Variants in BTRC observed in about 807,000 individuals in gnomAD.
BTRC encodes the protein F-box/WD repeat-containing protein 1A.
BTRC carries 42 observed loss-of-function variants against 85.5 expected under a neutral mutation model. That is an observed-to-expected ratio of 0.49 (90% CI 0.38 to 0.64). The LOEUF is 0.64. BTRC is among the 30% of genes least tolerant of loss of function. The pLI, the probability that BTRC is intolerant of heterozygous loss-of-function variation, is 0.00. For missense variants in BTRC, 594 were observed against 743.5 expected (o/e 0.80, Z 2.34); for synonymous variants, 255 against 263.3 (o/e 0.97, Z 0.30).
intron 2 of BTRC, among the ~76,000 whole-genome samples, chr10:101,452,289 T>G (rs1944972863): frequency 1.3e-5 from 2 of 152,216 alleles, no homozygotes; most frequent in Admixed American, 1.3e-4. Flanking sequence ...TCTTTGCTAC[T>G]GATCCAAATG....
chr10:101,443,341 C>G (rs901098436), intron 2 of BTRC, among the ~76,000 whole-genome samples: 1 of 152,042 alleles, frequency 6.6e-6, no homozygotes, highest in East Asian at 1.9e-4. Context: ...TGTAGTCCTG[C>G]GCAACATTAA....
intron 2 of BTRC, among the ~76,000 whole-genome samples, chr10:101,444,144 T>C (rs932575208): frequency 6.6e-6 from 1 of 152,232 alleles, no homozygotes; most frequent in Admixed American, 6.5e-5. Flanking sequence ...AAAGTGATAA[T>C]GTATATTTCA....
intron 1 of BTRC, among the ~76,000 whole-genome samples, chr10:101,392,053 C>T (rs982143364): frequency 1.3e-5 from 2 of 152,132 alleles, no homozygotes; most frequent in African/African-American, 4.8e-5. Flanking sequence ...TATCTCAGCT[C>T]ACTGCAACTT....
chr10:101,474,445 C>G (rs1434751537), intron 3 of BTRC, among the ~76,000 whole-genome samples: 4 of 152,222 alleles, frequency 2.6e-5, no homozygotes, highest in African/African-American at 7.2e-5. Flanking sequence ...CTTTCTCCCC[C>G]CATGAGCAGC....
chr10:101,396,606 G>A (rs575049076), intron 1 of BTRC, among the ~76,000 whole-genome samples: 1 of 151,986 alleles, frequency 6.6e-6, no homozygotes, highest in South Asian at 2.1e-4. Flanking sequence ...GATCTACTTA[G>A]GACAGGTATT....
chr10:101,409,765 C>T (rs1943725941), intron 1 of BTRC, among the ~76,000 whole-genome samples: 1 of 152,176 alleles, frequency 6.6e-6, no homozygotes, highest in African/African-American at 2.4e-5. Context: ...CTAAAAATGT[C>T]ATTGTGCAGT....
intron 3 of BTRC, among the ~76,000 whole-genome samples, chr10:101,476,074 G>C (rs925861760): frequency 6.6e-6 from 1 of 151,684 alleles, no homozygotes; most frequent in Non-Finnish European, 1.5e-5. Flanking sequence ...ATTTGATGCA[G>C]TGAGAGGGGC....
intron 1 of BTRC, among the ~76,000 whole-genome samples, chr10:101,426,405 G>T (rs1444140355): frequency 6.6e-6 from 1 of 152,158 alleles, no homozygotes; most frequent in Admixed American, 6.5e-5. Context: ...TGCATCCTCT[G>T]TGTGGTGTTT....
Position 101,398,914 on chromosome 10 carries a change from G to A in BTRC, c.49-31431G>A, listed in dbSNP as rs1042217227. ...ATTGCCTGGTTTTGCCTGGCTAACC[G>A]AAATCTGGCCTTTCATGTAGGTATA... On this transcript the variant is annotated intron_variant, in intron 1 of 14. Coordinates refer to ENST00000370187, the MANE Select transcript of BTRC (RefSeq NM_033637.4). 9.2e-5 allele frequency among the ~76,000 whole-genome samples: 14 copies of A among 152,236 alleles called. No individual in the cohort carries two copies. The East Asian group carries it at 1.5e-3, about 17-fold the overall frequency.
At chr10:101,374,163 G>A (rs1942721459) in intron 1 of BTRC, among the ~76,000 whole-genome samples, 1 of 152,034 alleles carries the variant, frequency 6.6e-6, no homozygotes, top group South Asian at 2.1e-4. Flanking sequence ...GGTTGAACTA[G>A]TTTACAGTCC....
chr10:101,388,356 T>TTTTA (rs869055820), intron 1 of BTRC, among the ~76,000 whole-genome samples: 1 of 100,770 alleles, frequency 9.9e-6, no homozygotes, highest in Admixed American at 9.9e-5. Context: ...TTTTATTTTA[T>TTTTA]TTTATTTATT....
In BTRC at chr10:101,520,967, CA is replaced by C. The variant is rs552134286; in HGVS notation, c.325-663del. Among the ~76,000 whole-genome samples the C allele has an allele frequency of 3.4e-5, 5 of 147,102 alleles. No individual in the cohort carries two copies. The South Asian group carries it at 6.5e-4, about 19-fold the overall frequency. ...GACAGAGCAAGACTGTCTCCAAAAA[CA>C]AAAAAAAAGTTGTGATGACGGAGCA... is the stretch of plus-strand genomic sequence containing the variant. On this transcript the variant is annotated intron_variant, in intron 4 of 14. Transcript: ENST00000370187.
At chr10:101,383,927 G>A (rs755528407) in intron 1 of BTRC, among the ~76,000 whole-genome samples, 1 of 152,102 alleles carries the variant, frequency 6.6e-6, no homozygotes, top group Non-Finnish European at 1.5e-5. Flanking sequence ...TGCCCAGGCT[G>A]GACTCAAACT....
intron 2 of BTRC, among the ~76,000 whole-genome samples, chr10:101,444,013 A>G (rs926892303): frequency 6.6e-6 from 1 of 152,248 alleles, no homozygotes; most frequent in Non-Finnish European, 1.5e-5. Context: ...TATAATTACT[A>G]GTGTTAACCA....
intron 2 of BTRC, among the ~76,000 whole-genome samples, chr10:101,455,803 A>G (rs1320801327): frequency 6.6e-6 from 1 of 152,178 alleles, no homozygotes; most frequent in Non-Finnish European, 1.5e-5. Flanking sequence ...TTATTGCCAA[A>G]AAGCTATAAA....
At chr10:101,531,158 G>T in intron 6 of BTRC, 79 bp from the exon 7 acceptor site, 1 of 1,202,562 alleles carries the variant, frequency 8.3e-7, no homozygotes, top group South Asian at 1.4e-5. Flanking sequence ...GCAACAGAGC[G>T]AGACTCTGTC....
intron 13 of BTRC, among the ~76,000 whole-genome samples, chr10:101,542,179 A>G (rs960349179): frequency 7.2e-5 from 11 of 152,200 alleles, no homozygotes; most frequent in African/African-American, 1.2e-4. Flanking sequence ...CGTTTTATCT[A>G]AATTATGAAA....
intron 1 of BTRC, among the ~76,000 whole-genome samples, chr10:101,424,384 G>A (rs1264348628): frequency 6.6e-6 from 1 of 152,134 alleles, no homozygotes; most frequent in Non-Finnish European, 1.5e-5. Flanking sequence ...GGATTTGTAG[G>A]TAAAGTCTGA....
At chr10:101,460,994 C>T (rs1945209812) in intron 2 of BTRC, among the ~76,000 whole-genome samples, 2 of 151,042 alleles carry the variant, frequency 1.3e-5, no homozygotes, top group Admixed American at 6.6e-5. Context: ...CCTCGGCCTC[C>T]TGGGTTCAGG....
Sources: allele counts gnomAD v4.1 joint callset (sites outside exome capture counted in the v4.1 genomes callset), GRCh38; gene constraint gnomAD v4.1.1; transcripts MANE v1.5; gene names NCBI Gene and HGNC (gene_info 2026-07-23, HGNC 2026-07-21).